The following EFR3A variants were observed in gnomAD, a reference collection of about 807,000 sequenced individuals.
The protein encoded by EFR3A is protein EFR3 homolog A.
EFR3A carries 76 observed loss-of-function variants against 104.4 expected under a neutral mutation model. The observed-to-expected ratio is 0.73, with a 90% CI of 0.60 to 0.88. The LOEUF (loss-of-function observed/expected upper bound fraction) is 0.88, where lower values mean the gene tolerates loss of function less well. Among genes scored for constraint, EFR3A ranks in the 40% least tolerant of loss-of-function variants. The pLI, the probability that EFR3A is intolerant of heterozygous loss-of-function variation, is 0.00. For missense variants in EFR3A, 985 were observed against 1,012.5 expected, an observed-to-expected ratio of 0.97 and a Z score of 0.37; for synonymous variants, 330 against 330.0, an observed-to-expected ratio of 1.00 and a Z score of 0.00.
chr8:131,990,528 G>T (rs945336260), intron 18 of EFR3A, among the ~76,000 whole-genome samples: 1 of 152,170 alleles, frequency 6.6e-6, no homozygotes, highest in African/African-American at 2.4e-5. Flanking sequence ...CAGACTTCAG[G>T]GAGTGGAGTT....
chr8:131,919,360 G>C (rs917981501), intron 1 of EFR3A, among the ~76,000 whole-genome samples: 1 of 152,026 alleles, frequency 6.6e-6, no homozygotes, highest in South Asian at 2.1e-4. Flanking sequence ...CACTTTGGGC[G>C]GTCGAGGCGG....
chr8:131,915,053 C>G (rs1816685246), intron 1 of EFR3A, among the ~76,000 whole-genome samples: 1 of 152,100 alleles, frequency 6.6e-6, no homozygotes, highest in Admixed American at 6.5e-5. Context: ...TCCAGTCTGT[C>G]ATTGATAGGT....
In EFR3A at chr8:131,970,594, C is replaced by T; in HGVS notation, c.1110C>T (p.Ser370=). ...SVGSVNLNTS[S]KDNDEKIVQN... ...GCAGTGTCAACTTAAATACAAGTTC[C>T]AAAGACAATGATGAGAAGATTGTGC... The change falls in exon 10 of 23, where the codon TCC becomes TCT. Residue 370 remains serine, a synonymous_variant. Coordinates refer to ENST00000254624, the MANE Select transcript of EFR3A (RefSeq NM_015137.6). The T allele has an allele frequency of 6.2e-7, 1 of 1,613,762 alleles. No individual in the cohort carries two copies. Among genetic ancestry groups the T allele is most frequent in the Non-Finnish European group, 8.5e-7 (1 of 1,179,772 alleles).
At position 131,940,473 on chromosome 8, in the gene EFR3A, T is replaced by G. The variant is rs1222578507; in HGVS notation, c.11-26T>G. 7 of 1,534,676 alleles carry G rather than the reference T, an allele frequency of 4.6e-6. No homozygotes were observed. In the African/African-American group the frequency reaches 7.6e-5, roughly 17 times the overall value. ...GTTTACAATATTAATAATATCTGTA[T>G]TTCTTGATTTTTTTTTTTTTAACAG... On this transcript the variant is annotated intron_variant, in intron 1 of 22. Coordinates refer to ENST00000254624, the MANE Select transcript of EFR3A (RefSeq NM_015137.6).
chr8:131,944,710 T>C (rs550221945), intron 2 of EFR3A, 35 bp from the exon 3 acceptor site: 2 of 1,509,296 alleles, frequency 1.3e-6, no homozygotes, highest in African/African-American at 2.8e-5. Flanking sequence ...AGCATGAAAA[T>C]ATAGATAATC....
At chr8:131,971,784 A>G (rs1158895953) in intron 10 of EFR3A, among the ~76,000 whole-genome samples, 2 of 152,144 alleles carry the variant, frequency 1.3e-5, no homozygotes, top group African/African-American at 4.8e-5. Context: ...TGCACACTGT[A>G]ACTTGCTCCT....
intron 10 of EFR3A, 112 bp from the exon 11 acceptor site, chr8:131,975,915 C>T: frequency 1.6e-6 from 1 of 643,398 alleles, no homozygotes; most frequent in South Asian, 1.9e-5. Context: ...AGCTTACAGA[C>T]TTGTGAGGGA....
At chr8:131,976,233 A>C in intron 11 of EFR3A, 92 bp downstream of exon 11, 1 of 841,062 alleles carries the variant, frequency 1.2e-6, no homozygotes, top group Non-Finnish European at 1.9e-6. Flanking sequence ...TTTTTTTTTA[A>C]AAATCATTAG....
rs773736614 is a variant in EFR3A, at chr8:131,946,483, G to A, written c.216G>A (p.Gly72=). Residue 72 remains glycine (G), a splice_region_variant and synonymous_variant, in exon 4 of 23, where the codon GGG becomes GGA. Transcript: ENST00000254624. ...GACATTCTTTTTCTCCTACATGTAG[G>A]TATGTTTTGATTGCTATGGAGGCAC... ...LSRDVVRHRS[G]YVLIAMEALD... 6 of 1,568,062 alleles carry A rather than the reference G, an allele frequency of 3.8e-6. No individual in the cohort carries two copies. In the South Asian group the frequency reaches 6.0e-5, roughly 16 times the overall value.
At chr8:131,909,494 T>C (rs1378110715) in intron 1 of EFR3A, among the ~76,000 whole-genome samples, 2 of 152,144 alleles carry the variant, frequency 1.3e-5, no homozygotes. Context: ...TGCAGTGAGC[T>C]ATGGTCTCAC....
chr8:132,008,084 A>G (rs1822135312), intron 22 of EFR3A, among the ~76,000 whole-genome samples: 1 of 152,044 alleles, frequency 6.6e-6, no homozygotes, highest in Non-Finnish European at 1.5e-5. Flanking sequence ...CAAAATTGGT[A>G]AATTGGTCTT....
Position 131,927,191 on chromosome 8 carries a change from G to A in EFR3A, c.11-13308G>A, listed in dbSNP as rs149940853. Reference sequence around the variant, plus strand: ...AGTAGCACCTGCCTAGCTTTAGGTCGTGGTTAAGGACAACTTGAAGAATAA... The same window carrying A: ...AGTAGCACCTGCCTAGCTTTAGGTCATGGTTAAGGACAACTTGAAGAATAA... On this transcript the variant is annotated intron_variant, in intron 1 of 22. Coordinates refer to ENST00000254624, the MANE Select transcript of EFR3A (RefSeq NM_015137.6). 1.4e-3 allele frequency among the ~76,000 whole-genome samples: 218 copies of A among 152,280 alleles called. 1 individual carries two copies. The highest frequency in any genetic ancestry group is 4.9e-3 in the African/African-American group (204 of 41,558).
chr8:131,939,611 G>A (rs145119295), intron 1 of EFR3A, among the ~76,000 whole-genome samples: 3,115 of 152,190 alleles, frequency 0.02, 53 homozygotes, highest in South Asian at 0.036. Context: ...TTTTAGACGT[G>A]TGGCTAGTCT....
intron 2 of EFR3A, among the ~76,000 whole-genome samples, chr8:131,944,202 G>A (rs1420631375): frequency 6.6e-6 from 1 of 151,984 alleles, no homozygotes; most frequent in Non-Finnish European, 1.5e-5. Context: ...AGAGACAAAT[G>A]ACCGTTTTAT....
Position 131,942,981 on chromosome 8 carries a change from G to C in EFR3A, c.88-1764G>C, listed in dbSNP as rs577283796. On this transcript the variant is annotated intron_variant, in intron 2 of 22. Coordinates refer to ENST00000254624, the MANE Select transcript of EFR3A (RefSeq NM_015137.6). ...TGAAGAGGGAGAGATGGCCTGCAAA[G>C]GACATGGGAAATCTTTTGTAAATGA... Among the ~76,000 whole-genome samples the C allele has an allele frequency of 2.0e-5, 3 of 152,150 alleles. No homozygotes were observed. In the East Asian group the frequency reaches 5.8e-4, roughly 29 times the overall value.
intron 2 of EFR3A, among the ~76,000 whole-genome samples, chr8:131,940,918 G>A (rs4736395): frequency 0.49 from 74,179 of 151,728 alleles, 18,286 homozygotes; most frequent in Middle Eastern, 0.57. Context: ...TGATACCACT[G>A]TGAACAGAGA....
intron 8 of EFR3A, among the ~76,000 whole-genome samples, chr8:131,968,065 C>T (rs1021431633): frequency 2.6e-5 from 4 of 151,938 alleles, no homozygotes; most frequent in Admixed American, 6.6e-5. Context: ...TTTTATTAAA[C>T]ATAGAATTGT....
In EFR3A at chr8:131,953,870, A is replaced by G; in HGVS notation, c.541A>G (p.Asn181Asp). ...GIQGVVRKTVNDELRATIWEP... is the reference protein window; with the variant it reads ...GIQGVVRKTVDDELRATIWEP... ...TCAAGGTGTGGTTCGCAAAACAGTC[A>G]ACGATGAACTTCGGGCCACCATTTG... Residue 181 changes from asparagine (N) to aspartate (D), a missense_variant, in exon 6 of 23, where the codon AAC (asparagine) becomes GAC (aspartate). Asn to Asp is a conservative substitution (Grantham distance 23). Transcript: ENST00000254624. 1 of 1,574,900 alleles carries G rather than the reference A, an allele frequency of 6.3e-7. No individual in the cohort carries two copies. Among genetic ancestry groups the G allele is most frequent in the Non-Finnish European group, 8.6e-7 (1 of 1,158,282 alleles).
chr8:132,006,819 G>T (rs1822078714), intron 22 of EFR3A, among the ~76,000 whole-genome samples: 1 of 151,760 alleles, frequency 6.6e-6, no homozygotes, highest in Non-Finnish European at 1.5e-5. Flanking sequence ...TAAATAAATG[G>T]GGTTACTATG....
Sources: gnomAD v4.1 joint callset for allele counts (sites outside exome capture counted in the v4.1 genomes callset) on GRCh38, gnomAD v4.1.1 for gene constraint, MANE v1.5 for transcripts, NCBI Gene and HGNC (gene_info 2026-07-23, HGNC 2026-07-21) for gene names.